MRPS9: variants seen among roughly 807,000 people sequenced by gnomAD.
MRPS9 encodes small ribosomal subunit protein uS9m.
A neutral mutation model predicts 59.9 loss-of-function variants in MRPS9; 45 were observed. That is an observed-to-expected ratio of 0.75 (90% CI 0.59 to 0.96). The LOEUF is 0.96. Ranked by LOEUF, MRPS9 falls within the 40% of genes least tolerant of loss-of-function variation. MRPS9 has a pLI of 0.00. For missense variants in MRPS9, 473 were observed against 481.1 expected, an observed-to-expected ratio of 0.98 and a Z score of 0.16; for synonymous variants, 171 against 166.8, an observed-to-expected ratio of 1.03 and a Z score of -0.19.
At chr2:105,062,076 G>A (rs1679917290) in intron 2 of MRPS9, among the ~76,000 whole-genome samples, 1 of 152,102 alleles carries the variant, frequency 6.6e-6, no homozygotes, top group Non-Finnish European at 1.5e-5. Flanking sequence ...AAGTCTGATT[G>A]GGAAAGTGAA....
intron 4 of MRPS9, among the ~76,000 whole-genome samples, chr2:105,079,231 A>G (rs906469870): frequency 2.0e-5 from 3 of 152,240 alleles, no homozygotes; most frequent in Non-Finnish European, 4.4e-5. Context: ...ATAGTTTACA[A>G]CTTCTGTAAT....
rs1680685515 is a variant in MRPS9, at chr2:105,097,306, G to A, written c.1081G>A (p.Val361Ile). The part of the protein sequence containing the change: ...ALCSFVTEDE[V>I]EWMRQAGLLT... Reference sequence around the variant, plus strand: ...GTGCAGCTTTGTCACCGAGGACGAGGTCGAGTGGATGAGACAAGGTATGAG... The same window carrying A: ...GTGCAGCTTTGTCACCGAGGACGAGATCGAGTGGATGAGACAAGGTATGAG... The change falls in exon 10 of 11, where the codon GTC becomes ATC. Residue 361 changes from valine to isoleucine, a missense_variant. By Grantham distance (29) the Val-to-Ile change is conservative. Coordinates refer to ENST00000258455, the MANE Select transcript of MRPS9 (RefSeq NM_182640.3). 6.2e-7 allele frequency: 1 copy of A among 1,608,390 alleles called. No homozygotes were observed. The highest frequency in any genetic ancestry group is 8.5e-7 in the Non-Finnish European group (1 of 1,177,452).
At chr2:105,074,864 C>T (rs1035887985) in intron 4 of MRPS9, among the ~76,000 whole-genome samples, 1 of 152,146 alleles carries the variant, frequency 6.6e-6, no homozygotes, top group African/African-American at 2.4e-5. Flanking sequence ...TTGTGAAGGA[C>T]GATTTCACGG....
intron 1 of MRPS9, among the ~76,000 whole-genome samples, chr2:105,043,946 T>C (rs369476034): frequency 1.3e-4 from 19 of 149,034 alleles, no homozygotes; most frequent in African/African-American, 4.5e-4. Context: ...ATTTTTTTTT[T>C]TTTTTCTAAG....
intron 2 of MRPS9, among the ~76,000 whole-genome samples, chr2:105,062,761 G>A (rs545148407): frequency 6.6e-6 from 1 of 152,290 alleles, no homozygotes; most frequent in African/African-American, 2.4e-5. Context: ...TTCCTCGGTT[G>A]CACCAAGCAC....
chr2:105,078,110 GTGTTT>G (rs1432658666), intron 4 of MRPS9, among the ~76,000 whole-genome samples: 1 of 146,738 alleles, frequency 6.8e-6, no homozygotes, highest in Non-Finnish European at 1.5e-5. Flanking sequence ...CTGGCAGCAC[GTGTTT>G]GTGCCTTATT....
chr2:105,096,312 G>A (rs1301649173), intron 9 of MRPS9, among the ~76,000 whole-genome samples: 2 of 152,156 alleles, frequency 1.3e-5, no homozygotes, highest in Non-Finnish European at 2.9e-5. Context: ...GAAAGCAAAC[G>A]CAATATAAGT....
At chr2:105,056,190 C>CTT (rs34661850) in intron 2 of MRPS9, among the ~76,000 whole-genome samples, 72 of 135,660 alleles carry the variant, frequency 5.3e-4, no homozygotes, top group Middle Eastern at 3.8e-3. Context: ...GGATAGGTAT[C>CTT]TTTTTTTTTT....
intron 4 of MRPS9, among the ~76,000 whole-genome samples, chr2:105,076,166 C>A (rs951321981): frequency 6.6e-6 from 1 of 152,136 alleles, no homozygotes; most frequent in African/African-American, 2.4e-5. Context: ...TACCTGAATT[C>A]AAAACATTTA....
At chr2:105,045,247 C>G (rs1288311149) in intron 1 of MRPS9, among the ~76,000 whole-genome samples, 1 of 150,970 alleles carries the variant, frequency 6.6e-6, no homozygotes, top group East Asian at 1.9e-4. Flanking sequence ...ACATTTTATT[C>G]AGAGACACAT....
At position 105,053,034 on chromosome 2, in the gene MRPS9, G is replaced by C. The variant is rs561081663; in HGVS notation, c.315+3684G>C. On this transcript the variant is annotated intron_variant, in intron 2 of 10. Transcript: ENST00000258455. The stretch of plus-strand genomic sequence containing the variant: ...ACCTTGGCCTCCCAAAGTGCTGGGA[G>C]ATTAAAGGCATGAGCCACCACGCCC... Among the ~76,000 whole-genome samples, 612 of 152,308 alleles carry C rather than the reference G, an allele frequency of 4.0e-3. 5 individuals are homozygous for C. Among genetic ancestry groups the C allele is most frequent in the Non-Finnish European group, 6.3e-3 (427 of 68,022 alleles).
At chr2:105,082,751 A>T (rs1051293593) in intron 5 of MRPS9, among the ~76,000 whole-genome samples, 2 of 152,156 alleles carry the variant, frequency 1.3e-5, no homozygotes, top group African/African-American at 4.8e-5. Context: ...CACGTTTTGG[A>T]AATGTGCCAC....
In MRPS9 at chr2:105,073,806, A is replaced by G. The variant is rs916134950; in HGVS notation, c.409+2317A>G. On this transcript the variant is annotated intron_variant, in intron 4 of 10. Transcript: ENST00000258455. The stretch of plus-strand genomic sequence containing the variant: ...TGATAAAACCTAATCTCCATTGAGT[A>G]GATTTGATGACCACAAACCTTTTTG... 3.9e-5 allele frequency among the ~76,000 whole-genome samples: 6 copies of G among 152,348 alleles called. No individual in the cohort carries two copies. The East Asian group carries it at 1.2e-3, about 29-fold the overall frequency.
intron 2 of MRPS9, among the ~76,000 whole-genome samples, chr2:105,063,542 A>T (rs1679943401): frequency 6.6e-6 from 1 of 152,218 alleles, no homozygotes; most frequent in African/African-American, 2.4e-5. Flanking sequence ...ACATTTTGCT[A>T]TATTTGCTTC....
chr2:105,094,254 G>T (rs971993047), intron 9 of MRPS9, among the ~76,000 whole-genome samples: 2 of 152,126 alleles, frequency 1.3e-5, no homozygotes, highest in African/African-American at 4.8e-5. Context: ...GCTAAATATG[G>T]CAGTTTTAAT....
In MRPS9 at chr2:105,099,887, G is replaced by A. The variant is rs1370957806; in HGVS notation, c.*126G>A. On this transcript the variant is annotated 3_prime_UTR_variant, in exon 11 of 11. Coordinates refer to ENST00000258455, the MANE Select transcript of MRPS9 (RefSeq NM_182640.3). ...CAGAAATTTCTTTGAGCTGTGAGATGGATTTATTTTTAAATGCTACTTTGT... is the reference window on the plus strand; with the variant it reads ...CAGAAATTTCTTTGAGCTGTGAGATAGATTTATTTTTAAATGCTACTTTGT... 15 of 615,738 alleles carry A rather than the reference G, an allele frequency of 2.4e-5. No individual in the cohort carries two copies. The highest frequency in any genetic ancestry group is 6.5e-5 in the South Asian group (2 of 30,672). 38.1% of individuals were successfully genotyped at this position (615,738 alleles called of 1,614,324 possible).
At chr2:105,080,636 G>T (rs1302296314) in intron 5 of MRPS9, among the ~76,000 whole-genome samples, 1 of 152,044 alleles carries the variant, frequency 6.6e-6, no homozygotes, top group Non-Finnish European at 1.5e-5. Flanking sequence ...GTGCAAATTT[G>T]GAAGAGTTCC....
intron 4 of MRPS9, among the ~76,000 whole-genome samples, chr2:105,076,143 A>G (rs1482070035): frequency 6.6e-6 from 1 of 152,244 alleles, no homozygotes; most frequent in African/African-American, 2.4e-5. Context: ...TCAGCAGACT[A>G]CCATTATTTG....
rs751300198 is a variant in MRPS9 at position 105,097,205 on chromosome 2, A to T, written c.980A>T (p.Asp327Val). The T allele has an allele frequency of 6.2e-7, 1 of 1,607,216 alleles. No individual in the cohort carries two copies. The highest frequency in any genetic ancestry group is 1.7e-5 in the Admixed American group (1 of 58,714). ...TTTGTTGACCGGCTGGGAAAGCACG[A>T]CGTGACCTGCACAGTCTCAGGGGGC... ...FHFVDRLGKH[D>V]VTCTVSGGGR... Residue 327 changes from aspartate (D) to valine (V), a missense_variant, in exon 10 of 11, where the codon GAC becomes GTC. Coordinates refer to ENST00000258455, the MANE Select transcript of MRPS9 (RefSeq NM_182640.3).
Sources: gnomAD v4.1 joint callset for allele counts (sites outside exome capture counted in the v4.1 genomes callset) on GRCh38, gnomAD v4.1.1 for gene constraint, MANE v1.5 for transcripts, NCBI Gene and HGNC (gene_info 2026-07-23, HGNC 2026-07-21) for gene names.